GRID1: variants seen among roughly 807,000 people sequenced by gnomAD.
GRID1 encodes the protein glutamate receptor ionotropic, delta-1.
In GRID1, 28 loss-of-function variants were observed where a neutral mutation model predicts 98.0. The observed-to-expected ratio is 0.29, with a 90% CI of 0.21 to 0.39. GRID1 has a LOEUF of 0.39. Ranked by LOEUF, GRID1 falls within the 10% of genes least tolerant of loss-of-function variation. The probability of loss-of-function intolerance (pLI) is 1.00; values close to 1 mark genes in which losing one functional copy is unlikely to be tolerated. For synonymous variants in GRID1, 553 were observed against 538.5 expected, an observed-to-expected ratio of 1.03 and a Z score of -0.37; for missense variants, 1,111 against 1,340.5, an observed-to-expected ratio of 0.83 and a Z score of 2.67.
In GRID1 at chr10:86,055,813, T is replaced by TTCTCTC. The variant is rs141146400; in HGVS notation, c.726+83000_726+83005dup. Among the ~76,000 whole-genome samples, 753 of 147,426 alleles carry TTCTCTC rather than the reference T, an allele frequency of 5.1e-3. 14 individuals are homozygous for TTCTCTC. Among genetic ancestry groups the TTCTCTC allele is most frequent in the African/African-American group, 0.017 (682 of 40,034 alleles). On this transcript the variant is annotated intron_variant, in intron 4 of 15. Coordinates refer to ENST00000327946, the MANE Select transcript of GRID1 (RefSeq NM_017551.3). ...CAGAACCAGAGAGCCTGTGCTCTCATTCTCTCTCTCTCTCTCTCTCTCTCT... is the reference window on the plus strand; with the variant it reads ...CAGAACCAGAGAGCCTGTGCTCTCATTCTCTCTCTCTCTCTCTCTCTCTCTCTCTCT...
chr10:86,333,187 G>A (rs778324018), intron 2 of GRID1, among the ~76,000 whole-genome samples: 3 of 152,146 alleles, frequency 2.0e-5, no homozygotes, highest in Non-Finnish European at 2.9e-5. Flanking sequence ...TCTCATCTCT[G>A]CTTAGAATGC....
chr10:85,956,067 T>C (rs1205269071), intron 4 of GRID1, among the ~76,000 whole-genome samples: 1 of 152,364 alleles, frequency 6.6e-6, no homozygotes, highest in Admixed American at 6.5e-5. Flanking sequence ...ATGTGGTTAC[T>C]CAGGGCATGC....
At chr10:85,667,062 G>T (rs1388107123) in intron 12 of GRID1, among the ~76,000 whole-genome samples, 2 of 152,212 alleles carry the variant, frequency 1.3e-5, no homozygotes, top group Non-Finnish European at 2.9e-5. Flanking sequence ...AGCAGAGGCA[G>T]AGAGGAGCAG....
intron 4 of GRID1, among the ~76,000 whole-genome samples, chr10:86,012,297 G>T (rs1283980105): frequency 6.6e-6 from 1 of 152,134 alleles, no homozygotes. Flanking sequence ...TTGGTCAACT[G>T]CAGTTGAAAC....
In GRID1 at chr10:85,916,764, C is replaced by T. The variant is rs565348839; in HGVS notation, c.727-525G>A. Among the ~76,000 whole-genome samples the T allele has an allele frequency of 8.9e-4, 135 of 152,350 alleles. No homozygotes were observed. The highest frequency in any genetic ancestry group is 3.0e-3 in the African/African-American group (124 of 41,592). On this transcript the variant is annotated intron_variant, in intron 4 of 15. Transcript: ENST00000327946. The surrounding 1 kb of genome is among the most constrained non-coding windows in gnomAD (Gnocchi z 4.0). ...CATAGAACAAAGCTCTTTGTAGCTCCTGGGCCGTAGCCCCATCCCGTAACT... is the reference window on the plus strand; with the variant it reads ...CATAGAACAAAGCTCTTTGTAGCTCTTGGGCCGTAGCCCCATCCCGTAACT...
chr10:86,240,858 C>A (rs1446342247), intron 2 of GRID1, among the ~76,000 whole-genome samples: 2 of 152,198 alleles, frequency 1.3e-5, no homozygotes. Context: ...AGCATGGGAG[C>A]CCCAGACCAG....
At chr10:85,638,193 T>C (rs1196526330) in intron 13 of GRID1, among the ~76,000 whole-genome samples, 1 of 152,068 alleles carries the variant, frequency 6.6e-6, no homozygotes, top group Admixed American at 6.5e-5. Flanking sequence ...TGAAAATCAG[T>C]GAAGACAAAA....
At chr10:86,354,464 C>T (rs189494721) in intron 2 of GRID1, among the ~76,000 whole-genome samples, 1 of 152,204 alleles carries the variant, frequency 6.6e-6, no homozygotes, top group African/African-American at 2.4e-5. Context: ...GCGCTAAGCA[C>T]CCCTCTCTCG....
chr10:86,236,124 C>T (rs2132038857), intron 2 of GRID1, among the ~76,000 whole-genome samples: 1 of 152,282 alleles, frequency 6.6e-6, no homozygotes, highest in African/African-American at 2.4e-5. Flanking sequence ...TTTTGATTTG[C>T]ATGTCCCTAA....
intron 3 of GRID1, among the ~76,000 whole-genome samples, chr10:86,166,320 C>T (rs533436973): frequency 7.2e-4 from 109 of 152,246 alleles, no homozygotes; most frequent in African/African-American, 2.6e-3. Context: ...GGCTAATATC[C>T]AGAATCTACA....
intron 8 of GRID1, among the ~76,000 whole-genome samples, chr10:85,848,012 G>A (rs985197567): frequency 6.6e-6 from 1 of 152,140 alleles, no homozygotes; most frequent in South Asian, 2.1e-4. Flanking sequence ...TTACAAAAAT[G>A]TGAAATACAA....
At chr10:85,624,910 T>G (rs1378702621) in intron 13 of GRID1, among the ~76,000 whole-genome samples, 1 of 152,162 alleles carries the variant, frequency 6.6e-6, no homozygotes, top group African/African-American at 2.4e-5. Context: ...TATTTACTAT[T>G]AGGGAAATAA....
chr10:86,157,131 G>A (rs1331733876), intron 3 of GRID1, among the ~76,000 whole-genome samples: 1 of 152,082 alleles, frequency 6.6e-6, no homozygotes, highest in Non-Finnish European at 1.5e-5. Context: ...CAGAGAAGGA[G>A]GAACAAGCTT....
At chr10:85,624,871 T>A (rs1199094209) in intron 13 of GRID1, among the ~76,000 whole-genome samples, 2 of 152,094 alleles carry the variant, frequency 1.3e-5, no homozygotes, top group African/African-American at 2.4e-5. Flanking sequence ...AAATTAAGAG[T>A]TGACTCTAAA....
chr10:86,167,992 C>A (rs1438561203), intron 3 of GRID1, among the ~76,000 whole-genome samples: 1 of 152,248 alleles, frequency 6.6e-6, no homozygotes, highest in African/African-American at 2.4e-5. Flanking sequence ...CAGCCTTGAG[C>A]ACACTGTGTG....
At chr10:85,717,903 G>A (rs1210856335) in intron 12 of GRID1, among the ~76,000 whole-genome samples, 4 of 137,278 alleles carry the variant, frequency 2.9e-5, no homozygotes, top group Admixed American at 1.6e-4. Flanking sequence ...ATGCAAGTCC[G>A]AAATCCAGTG....
intron 2 of GRID1, among the ~76,000 whole-genome samples, chr10:86,361,463 T>C (rs1848599891): frequency 6.6e-6 from 1 of 152,176 alleles, no homozygotes; most frequent in Non-Finnish European, 1.5e-5. Flanking sequence ...TCTAACTCCC[T>C]AGTTCCAGAC....
At chr10:86,007,961 T>C (rs947430915) in intron 4 of GRID1, among the ~76,000 whole-genome samples, 2 of 152,106 alleles carry the variant, frequency 1.3e-5, no homozygotes, top group African/African-American at 2.4e-5. Context: ...AAACGTTTCA[T>C]GATGCTGGTG....
chr10:86,104,314 G>A (rs1844346919), intron 4 of GRID1, among the ~76,000 whole-genome samples: 1 of 152,164 alleles, frequency 6.6e-6, no homozygotes, highest in Non-Finnish European at 1.5e-5. Context: ...TCCAACTCTG[G>A]AAGCCAGGCC....
Sources: gnomAD v4.1 joint callset for allele counts (sites outside exome capture counted in the v4.1 genomes callset) on GRCh38, gnomAD v4.1.1 for gene constraint, Gnocchi (gnomAD v3.1) non-coding constraint, MANE v1.5 for transcripts, NCBI Gene and HGNC (gene_info 2026-07-23, HGNC 2026-07-21) for gene names.